NCOR2: variants seen among roughly 807,000 people sequenced by gnomAD.
NCOR2 encodes the protein CTG repeat protein 26.
In NCOR2, 81 loss-of-function variants were observed where a neutral mutation model predicts 262.9. The ratio of observed to expected loss-of-function variants is 0.31; its 90% CI spans 0.26 to 0.37. The LOEUF (loss-of-function observed/expected upper bound fraction) is 0.37. Among genes scored for constraint, NCOR2 ranks in the 10% least tolerant of loss-of-function variants. The pLI is 1.00. For missense variants in NCOR2, 3,385 were observed against 3,621.4 expected (o/e 0.93, Z 1.68); for synonymous variants, 1,659 against 1,559.3 (o/e 1.06, Z -1.51).
intron 4 of NCOR2, among the ~76,000 whole-genome samples, chr12:124,467,762 C>T (rs1410756674): frequency 1.2e-4 from 12 of 97,382 alleles, no homozygotes; most frequent in Non-Finnish European, 1.9e-4. Context: ...ATCTTCATCA[C>T]CCCCATCACC....
upstream of NCOR2, among the ~76,000 whole-genome samples, chr12:124,536,701 C>T (rs1238565311): frequency 1.3e-5 from 2 of 152,142 alleles, no homozygotes; most frequent in Non-Finnish European, 1.5e-5. Flanking sequence ...CACCCGTTGC[C>T]GACGGGATGC....
At chr12:124,442,055 G>A (rs972059799) in intron 7 of NCOR2, among the ~76,000 whole-genome samples, 10 of 152,230 alleles carry the variant, frequency 6.6e-5, no homozygotes, top group African/African-American at 2.4e-4. Flanking sequence ...AGACGTTGGC[G>A]GAGAGACGGG....
intron 1 of NCOR2, among the ~76,000 whole-genome samples, chr12:124,527,238 G>A (rs1333619701): frequency 6.6e-6 from 1 of 152,084 alleles, no homozygotes; most frequent in Non-Finnish European, 1.5e-5. Context: ...CACACAGCAC[G>A]CCCTGTAGGG....
chr12:124,358,125 A>G (rs1294538056), intron 22 of NCOR2, among the ~76,000 whole-genome samples: 1 of 122,578 alleles, frequency 8.2e-6, no homozygotes, highest in Non-Finnish European at 1.7e-5. Flanking sequence ...GTGTGAGTGC[A>G]TGGATGTGTG....
At chr12:124,406,993 A>T (rs549374531) in intron 13 of NCOR2, among the ~76,000 whole-genome samples, 1 of 152,360 alleles carries the variant, frequency 6.6e-6, no homozygotes, top group East Asian at 1.9e-4. Context: ...AGTTTTATGG[A>T]TGAGAATGCA....
intron 1 of NCOR2, among the ~76,000 whole-genome samples, chr12:124,516,175 G>A (rs1366178672): frequency 6.6e-6 from 1 of 152,252 alleles, no homozygotes; most frequent in East Asian, 1.9e-4. Flanking sequence ...ACTGGCTCCT[G>A]CTGGCCCAAG....
chr12:124,466,306 G>T lies in NCOR2; in HGVS notation c.592-20C>A. ...CTGTTGCTGTGGGGAGAGGCAGAAC[G>T]TGAGGGATGAGCACCCCAGCGGGCG... On this transcript the variant is annotated intron_variant, in intron 4 of 46. Transcript: ENST00000405201. The T allele has an allele frequency of 6.3e-7, 1 of 1,597,608 alleles. No individual in the cohort carries two copies. Among genetic ancestry groups the T allele is most frequent in the Non-Finnish European group, 8.5e-7 (1 of 1,175,858 alleles).
At chr12:124,372,447 A>G (rs1593257963) in exon 20 of NCOR2, 1 of 1,043,630 alleles carries the variant, frequency 9.6e-7, no homozygotes, top group East Asian at 6.5e-5. Flanking sequence ...GGGTGGGCTC[A>G]GTGGGGGCCG....
chr12:124,458,957 G>A (rs1244991930), intron 5 of NCOR2, among the ~76,000 whole-genome samples: 1 of 152,184 alleles, frequency 6.6e-6, no homozygotes, highest in African/African-American at 2.4e-5. Flanking sequence ...GGGCAGGGCA[G>A]CTCCCAAACA....
In NCOR2 at chr12:124,378,173, T is replaced by C; in HGVS notation, c.2167+64A>G. Reference sequence around the variant, plus strand: ...GGAGGCTGCCGGGATCAGTTCCCGCTATGCCCTCCCTCAGAGCTCGGACCC... The same window carrying C: ...GGAGGCTGCCGGGATCAGTTCCCGCCATGCCCTCCCTCAGAGCTCGGACCC... On this transcript the variant is annotated intron_variant, in intron 18 of 46. Transcript: ENST00000405201. The surrounding 1 kb of genome is among the most constrained non-coding windows in gnomAD (Gnocchi z 4.2). 1 of 1,582,186 alleles carries C rather than the reference T, an allele frequency of 6.3e-7. No homozygotes were observed. The highest frequency in any genetic ancestry group is 8.6e-7 in the Non-Finnish European group (1 of 1,162,924).
At chr12:124,495,463 G>T, upstream of NCOR2, 1 of 944,590 alleles carries the variant, frequency 1.1e-6, no homozygotes, top group Non-Finnish European at 1.5e-6. The surrounding 1 kb of genome is among the most constrained non-coding windows in gnomAD (Gnocchi z 4.4). Context: ...GTCCCGTGAG[G>T]ACACGCGAGC....
At chr12:124,430,347 G>A (rs535105254) in intron 9 of NCOR2, among the ~76,000 whole-genome samples, 1 of 152,328 alleles carries the variant, frequency 6.6e-6, no homozygotes, top group South Asian at 2.1e-4. Context: ...CAGGGGTCGT[G>A]CAGGCCCCAG....
intron 5 of NCOR2, among the ~76,000 whole-genome samples, chr12:124,460,767 C>T (rs563540181): frequency 6.6e-6 from 1 of 152,322 alleles, no homozygotes; most frequent in East Asian, 1.9e-4. Flanking sequence ...AGGCAAAATC[C>T]CAAACCCTTC....
At chr12:124,344,390 A>G (rs1486901275) in intron 32 of NCOR2, among the ~76,000 whole-genome samples, 1 of 152,160 alleles carries the variant, frequency 6.6e-6, no homozygotes, top group Non-Finnish European at 1.5e-5. Context: ...AAGCTAGGTG[A>G]GACACCACGG....
In NCOR2 at chr12:124,483,021, C is replaced by T. The variant is rs1017858233; in HGVS notation, c.411+575G>A. ...ACTCTGGAGTCTCCCCTCCCTGACC[C>T]TTAAGAATCCAGAAGCCTCAGGTGC... is the stretch of plus-strand genomic sequence containing the variant. On this transcript the variant is annotated intron_variant, in intron 3 of 46. Coordinates refer to ENST00000405201, the Ensembl canonical transcript of NCOR2. This position sits in a 1 kb window ranked among gnomAD's most constrained non-coding sequence, Gnocchi z 6.3. 5.3e-5 allele frequency among the ~76,000 whole-genome samples: 8 copies of T among 152,106 alleles called. No homozygotes were observed. The highest frequency in any genetic ancestry group is 1.2e-4 in the Non-Finnish European group (8 of 68,002).
intron 13 of NCOR2, among the ~76,000 whole-genome samples, chr12:124,407,970 G>A (rs920185942): frequency 1.3e-5 from 2 of 152,244 alleles, no homozygotes; most frequent in Non-Finnish European, 2.9e-5. Context: ...CCTGCTCTCT[G>A]TCCCTCGGAT....
chr12:124,332,581 G>GC, intron 42 of NCOR2, 114 bp from the exon 45 acceptor site: 1 of 1,328,396 alleles, frequency 7.5e-7, no homozygotes, highest in Non-Finnish European at 1.1e-6. Context: ...AGCTTCACCC[G>GC]CCCCCACGCC....
At chr12:124,397,356 C>T (rs746379957) in intron 16 of NCOR2, among the ~76,000 whole-genome samples, 2 of 152,198 alleles carry the variant, frequency 1.3e-5, no homozygotes, top group African/African-American at 2.4e-5. Flanking sequence ...ACGGGCAAAC[C>T]GAGGCCCAGA....
exon 47 of NCOR2, chr12:124,324,629 C>G (rs144624498): frequency 1.3e-5 from 2 of 152,440 alleles, no homozygotes; most frequent in African/African-American, 4.8e-5. Flanking sequence ...GCCTCTTGAA[C>G]GGTAAGCAGA....
Sources: allele counts gnomAD v4.1 joint callset (sites outside exome capture counted in the v4.1 genomes callset), GRCh38; gene constraint gnomAD v4.1.1; non-coding constraint Gnocchi (gnomAD v3.1); transcripts MANE v1.5; gene names NCBI Gene and HGNC (gene_info 2026-07-23, HGNC 2026-07-21).